SOX5: variants seen among roughly 807,000 people sequenced by gnomAD.
SOX5 encodes the protein SRY-box transcription factor 5.
In SOX5, 9 loss-of-function variants were observed where a neutral mutation model predicts 92.0. That is an observed-to-expected ratio of 0.10 (90% CI 0.06 to 0.17). The LOEUF (loss-of-function observed/expected upper bound fraction) is 0.17, where lower values mean the gene tolerates loss of function less well. Ranked by LOEUF, SOX5 falls within the 10% of genes least tolerant of loss-of-function variation. SOX5 has a pLI of 1.00. For missense variants in SOX5, 642 were observed against 944.5 expected (o/e 0.68, Z 4.20); for synonymous variants, 344 against 336.3 (o/e 1.02, Z -0.25).
chr12:24,369,831 C>G (rs193181127), intron 1 of SOX5, among the ~76,000 whole-genome samples: 257 of 152,368 alleles, frequency 1.7e-3, no homozygotes, highest in African/African-American at 5.9e-3. Context: ...AACTTGCCCA[C>G]TTTCCTCCTT....
At chr12:23,574,897 T>A (rs1293436814) in intron 10 of SOX5, among the ~76,000 whole-genome samples, 1 of 152,210 alleles carries the variant, frequency 6.6e-6, no homozygotes, top group Non-Finnish European at 1.5e-5. Context: ...TGTAGAACTT[T>A]ATCTGTGCTC....
At chr12:23,808,779 TTTA>T (rs2095825558) in intron 3 of SOX5, among the ~76,000 whole-genome samples, 1 of 152,180 alleles carries the variant, frequency 6.6e-6, no homozygotes, top group African/African-American at 2.4e-5. Flanking sequence ...TTAGAATGTC[TTTA>T]GTTTTTCTGT....
At chr12:24,521,093 C>T (rs1252476066) in intron 1 of SOX5, among the ~76,000 whole-genome samples, 1 of 152,132 alleles carries the variant, frequency 6.6e-6, no homozygotes, top group Non-Finnish European at 1.5e-5. Context: ...CGCTCTTGTC[C>T]CCCAAGGCTG....
intron 3 of SOX5, among the ~76,000 whole-genome samples, chr12:23,775,244 C>T (rs1235489926): frequency 2.0e-5 from 3 of 152,096 alleles, no homozygotes; most frequent in Admixed American, 6.6e-5. Flanking sequence ...TTAAAATGCG[C>T]CTTGCATGGT....
At chr12:24,271,497 T>C (rs1437845370) in intron 3 of SOX5, among the ~76,000 whole-genome samples, 1 of 152,192 alleles carries the variant, frequency 6.6e-6, no homozygotes, top group Non-Finnish European at 1.5e-5. Flanking sequence ...TGGCGTTTTC[T>C]GATAAACAAC....
chr12:23,704,012 T>C (rs2091032200), intron 6 of SOX5, among the ~76,000 whole-genome samples: 3 of 152,082 alleles, frequency 2.0e-5, no homozygotes, highest in Middle Eastern at 6.8e-3. Context: ...ATGATTAATA[T>C]AATACGATTT....
At chr12:23,972,404 C>G (rs1424666100) in intron 4 of SOX5, among the ~76,000 whole-genome samples, 1 of 152,152 alleles carries the variant, frequency 6.6e-6, no homozygotes, top group Non-Finnish European at 1.5e-5. Flanking sequence ...GTCACCCAGG[C>G]TGGAGTGCAG....
rs374278287 is a variant in SOX5 at position 24,209,878 on chromosome 12, C to T, written c.-2+3465G>A. Among the ~76,000 whole-genome samples, 5 of 150,386 alleles carry T rather than the reference C, an allele frequency of 3.3e-5. 1 individual carries two copies. The highest frequency in any genetic ancestry group is 2.1e-4 in the South Asian group (1 of 4,704). ...CTAAAAATACAAAAAATTAGCCGGG[C>T]GTAGTGGCGGGCGCCTGTAGTCCCA... is the stretch of plus-strand genomic sequence containing the variant. On this transcript the variant is annotated intron_variant, in intron 4 of 4. Coordinates refer to the SOX5 transcript ENST00000446891.
At position 23,949,554 on chromosome 12, in the gene SOX5, C is replaced by A. The variant is rs1481610633; in HGVS notation, c.38+10G>T. On this transcript the variant is annotated intron_variant, in intron 1 of 14. Coordinates refer to ENST00000451604, the MANE Select transcript of SOX5 (RefSeq NM_006940.6). ...ACTTCAATATATTAGGGGGAAAAAA[C>A]TGTACTCACCTTTCAAACTCCTGAG... 1 of 1,613,592 alleles carries A rather than the reference C, an allele frequency of 6.2e-7. No homozygotes were observed. Among genetic ancestry groups the A allele is most frequent in the Non-Finnish European group, 8.5e-7 (1 of 1,179,556 alleles).
intron 4 of SOX5, among the ~76,000 whole-genome samples, chr12:24,068,719 T>C (rs993641653): frequency 1.4e-5 from 1 of 71,418 alleles, no homozygotes; most frequent in Non-Finnish European, 3.1e-5. Context: ...TATATATATA[T>C]ATATATATAT....
intron 4 of SOX5, among the ~76,000 whole-genome samples, chr12:23,971,672 T>C (rs140478492): frequency 2.0e-5 from 3 of 152,084 alleles, no homozygotes; most frequent in African/African-American, 7.2e-5. Context: ...AATAATTATT[T>C]TGAAGAGAAT....
chr12:23,743,534 A>T (rs921552182), intron 4 of SOX5, among the ~76,000 whole-genome samples: 2 of 151,324 alleles, frequency 1.3e-5, no homozygotes, highest in African/African-American at 2.4e-5. Context: ...CCGGTCTCGA[A>T]CTCCTGTCCT....
intron 1 of SOX5, among the ~76,000 whole-genome samples, chr12:24,513,710 T>C (rs765364443): frequency 1.3e-5 from 2 of 152,196 alleles, no homozygotes; most frequent in African/African-American, 2.4e-5. Flanking sequence ...TGAAGTAAAA[T>C]ATCCCACTCA....
intron 1 of SOX5, among the ~76,000 whole-genome samples, chr12:24,437,684 A>T (rs1160300494): frequency 6.6e-6 from 1 of 152,228 alleles, no homozygotes; most frequent in African/African-American, 2.4e-5. Context: ...CATGAAAAAA[A>T]GCTCATCATC....
At chr12:23,790,183 C>T (rs545143336) in intron 3 of SOX5, among the ~76,000 whole-genome samples, 9 of 152,084 alleles carry the variant, frequency 5.9e-5, no homozygotes, top group Non-Finnish European at 7.4e-5. Context: ...ACAACATTTG[C>T]TTTAATTTTT....
Position 24,316,251 on chromosome 12 carries a change from G to A in SOX5, c.-173-38939C>T, listed in dbSNP as rs112967102. Among the ~76,000 whole-genome samples the A allele has an allele frequency of 8.3e-3, 1,267 of 152,200 alleles. 15 individuals are homozygous for A. The highest frequency in any genetic ancestry group is 0.028 in the African/African-American group (1,172 of 41,538). On this transcript the variant is annotated intron_variant, in intron 2 of 4. Transcript: ENST00000446891. ...CAGGTGGGTGGGGTTGAGGGGAAGG[G>A]GAGTAGAAGGGTGGAGGGTCTATCG...
intron 2 of SOX5, among the ~76,000 whole-genome samples, chr12:24,279,990 T>G (rs1015572496): frequency 1.3e-5 from 2 of 152,164 alleles, no homozygotes; most frequent in Non-Finnish European, 2.9e-5. Context: ...CTGCTCTTCC[T>G]TCTGGAATTT....
intron 2 of SOX5, among the ~76,000 whole-genome samples, chr12:23,869,983 A>G (rs1243221615): frequency 6.6e-6 from 1 of 152,182 alleles, no homozygotes; most frequent in Non-Finnish European, 1.5e-5. Flanking sequence ...TATTTTATAC[A>G]TAGCAGATAT....
intron 4 of SOX5, among the ~76,000 whole-genome samples, chr12:24,122,529 G>A (rs925378242): frequency 1.3e-5 from 2 of 152,128 alleles, no homozygotes; most frequent in East Asian, 1.9e-4. Flanking sequence ...ATTTAGTGGC[G>A]CATTACACTT....
Sources: allele counts gnomAD v4.1 joint callset (sites outside exome capture counted in the v4.1 genomes callset), GRCh38; gene constraint gnomAD v4.1.1; transcripts MANE v1.5; gene names NCBI Gene and HGNC (gene_info 2026-07-23, HGNC 2026-07-21).